Variants in ANKS1B observed in about 807,000 individuals in gnomAD.
The protein encoded by ANKS1B is ankyrin repeat and sterile alpha motif domain-containing protein 1B.
Under a neutral mutation model 148.3 loss-of-function variants are expected in ANKS1B, and 36 were observed. The ratio of observed to expected loss-of-function variants is 0.24; its 90% CI spans 0.19 to 0.32. The LOEUF (loss-of-function observed/expected upper bound fraction) is 0.32. ANKS1B is among the 10% of genes least tolerant of loss of function. ANKS1B has a pLI of 1.00. For missense variants in ANKS1B, 1,157 were observed against 1,542.6 expected, an observed-to-expected ratio of 0.75 and a Z score of 4.19; for synonymous variants, 542 against 560.8, an observed-to-expected ratio of 0.97 and a Z score of 0.47.
At chr12:99,020,964 T>A (rs1205173146) in intron 17 of ANKS1B, among the ~76,000 whole-genome samples, 2 of 152,116 alleles carry the variant, frequency 1.3e-5, no homozygotes, top group Non-Finnish European at 2.9e-5. Context: ...TACTTAACAG[T>A]GGCATGTTCA....
intron 17 of ANKS1B, among the ~76,000 whole-genome samples, chr12:99,043,084 A>AG (rs2099960135): frequency 2.0e-5 from 3 of 152,162 alleles, no homozygotes; most frequent in African/African-American, 2.4e-5. Flanking sequence ...AAATTTTTTG[A>AG]GGGTAAAGAC....
At chr12:99,980,470 C>A (rs1285111546) in intron 1 of ANKS1B, among the ~76,000 whole-genome samples, 1 of 151,828 alleles carries the variant, frequency 6.6e-6, no homozygotes, top group African/African-American at 2.4e-5. Context: ...TTTTTTCTTG[C>A]AAAAATAAGA....
rs566339425 is a variant in ANKS1B at position 98,902,987 on chromosome 12, A to G, written c.2779-70851T>C. On this transcript the variant is annotated intron_variant, in intron 17 of 26. Coordinates refer to ENST00000683438, the MANE Select transcript of ANKS1B (RefSeq NM_001352186.2). ...TAACTTTTTATATTGTAGACTCATA[A>G]AAATGATTTTATTTTTTTCTCTACA... Among the ~76,000 whole-genome samples the G allele has an allele frequency of 2.0e-5, 3 of 152,334 alleles. No homozygotes were observed. The South Asian group carries it at 6.2e-4, about 32-fold the overall frequency.
Position 98,799,031 on chromosome 12 carries a change from T to C in ANKS1B, c.3271-26A>G, listed in dbSNP as rs887628422. Reference sequence around the variant, plus strand: ...CTAAAATACAAAAAAAATTCAATGATTTATGAAATGGAATATACATATGAG... The same window carrying C: ...CTAAAATACAAAAAAAATTCAATGACTTATGAAATGGAATATACATATGAG... On this transcript the variant is annotated intron_variant, in intron 21 of 26. Coordinates refer to ENST00000683438, the MANE Select transcript of ANKS1B (RefSeq NM_001352186.2). 1.6e-5 allele frequency: 25 copies of C among 1,536,836 alleles called. No individual in the cohort carries two copies. The African/African-American group carries it at 2.5e-4, about 15-fold the overall frequency.
intron 10 of ANKS1B, 147 bp from the exon 11 acceptor site, chr12:99,443,956 A>C (rs2095592659): frequency 7.5e-6 from 7 of 937,570 alleles, no homozygotes; most frequent in Non-Finnish European, 4.7e-6. Flanking sequence ...GCTCAGTAGT[A>C]TATTTTAAAG....
At chr12:99,980,192 A>T (rs2095679797) in intron 1 of ANKS1B, among the ~76,000 whole-genome samples, 1 of 152,088 alleles carries the variant, frequency 6.6e-6, no homozygotes, top group African/African-American at 2.4e-5. Context: ...AATTGACTGT[A>T]TGTTCAACAT....
At chr12:98,794,392 C>CGAAAAA (rs2098927065) in intron 22 of ANKS1B, 1 of 81,758 alleles carries the variant, frequency 1.2e-5, no homozygotes, top group African/African-American at 7.0e-5. Context: ...AACTCTGTCT[C>CGAAAAA]AAAAAAAAAA....
intron 1 of ANKS1B, among the ~76,000 whole-genome samples, chr12:99,839,472 G>GA (rs901984886): frequency 4.0e-5 from 6 of 151,892 alleles, no homozygotes; most frequent in Non-Finnish European, 8.8e-5. Flanking sequence ...GAAGATTAAA[G>GA]AAAAAATATA....
Position 98,801,242 on chromosome 12 carries a change from T to TACA in ANKS1B, c.3142-118_3142-117insTGT. 1 of 929,166 alleles carries TACA rather than the reference T, an allele frequency of 1.1e-6. No homozygotes were observed. Among genetic ancestry groups the TACA allele is most frequent in the Non-Finnish European group, 1.6e-6 (1 of 638,092 alleles). The allele number at this position is 929,166 out of a possible 1,614,324, so 57.6% of individuals were successfully genotyped here. ...GTGAATGTACCAAAATGCATTTGGG[T>TACA]GTCTTATGTGAATATAAATACTTGG... On this transcript the variant is annotated intron_variant, in intron 20 of 26. Transcript: ENST00000683438. The surrounding 1 kb of genome is among the most constrained non-coding windows in gnomAD (Gnocchi z 5.2).
chr12:98,890,617 A>G (rs2099750599), intron 17 of ANKS1B, among the ~76,000 whole-genome samples: 1 of 152,228 alleles, frequency 6.6e-6, no homozygotes, highest in African/African-American at 2.4e-5. Context: ...AAAACATACC[A>G]CTTGTTGCAG....
chr12:99,554,112 C>A (rs1295319377), intron 9 of ANKS1B, among the ~76,000 whole-genome samples: 1 of 152,166 alleles, frequency 6.6e-6, no homozygotes, highest in African/African-American at 2.4e-5. Context: ...CAGAAGGGCT[C>A]ATCTAAGCAA....
At chr12:98,894,988 GGCA>G (rs1249281242) in intron 17 of ANKS1B, 416 of 766,562 alleles carry the variant, frequency 5.4e-4, no homozygotes, top group Non-Finnish European at 6.3e-4. Context: ...CTGCCCTGGC[GGCA>G]GCGGCGGCGG....
intron 9 of ANKS1B, among the ~76,000 whole-genome samples, chr12:99,644,925 A>G (rs1199607743): frequency 1.3e-5 from 2 of 151,930 alleles, no homozygotes; most frequent in East Asian, 3.9e-4. Flanking sequence ...CCATCATCAC[A>G]TATCTTCTGA....
In ANKS1B at chr12:98,745,809, G is replaced by T; in HGVS notation, c.3788C>A (p.Pro1263Gln). ...PSEQKTLANL[P>Q]WIVEPGQEAK... ...TTCTTGGCCCGGCTCCACAATCCAC[G>T]GTAGATTGGCCAGAGTCTTTTGCTC... The change falls in exon 27 of 27, where the codon CCG becomes CAG. Residue 1263 changes from proline (P) to glutamine (Q), a missense_variant. Transcript: ENST00000683438. The T allele has an allele frequency of 6.2e-7, 1 of 1,613,616 alleles. No individual in the cohort carries two copies. Among genetic ancestry groups the T allele is most frequent in the African/African-American group, 1.3e-5 (1 of 75,018 alleles).
chr12:98,745,374 A>AC lies in ANKS1B; in HGVS notation c.*364dup. 5.3e-6 allele frequency: 4 copies of AC among 748,610 alleles called. No homozygotes were observed. Among genetic ancestry groups the AC allele is most frequent in the Non-Finnish European group, 6.1e-6 (4 of 652,810 alleles). 46.4% of individuals were successfully genotyped at this position (748,610 alleles called of 1,614,324 possible). On this transcript the variant is annotated 3_prime_UTR_variant, in exon 27 of 27. Coordinates refer to ENST00000683438, the MANE Select transcript of ANKS1B (RefSeq NM_001352186.2). The stretch of plus-strand genomic sequence containing the variant: ...TTAGGCAGTATTAGAGATCCCCTTT[A>AC]CTTTTTTTTTTTTTTTTTTTTTTTT...
In ANKS1B at chr12:98,787,955, G is replaced by A. The variant is rs555505688; in HGVS notation, c.3343-5818C>T. On this transcript the variant is annotated intron_variant, in intron 22 of 26. Transcript: ENST00000683438. ...ACTCCATCTCCAAAAAAAAAAAAAA[G>A]GAAGCACAGTGCCAGCCTCTCAACA... Among the ~76,000 whole-genome samples, 71 of 136,778 alleles carry A rather than the reference G, an allele frequency of 5.2e-4. 1 individual carries two copies. The South Asian group carries it at 0.01, about 20-fold the overall frequency. The allele number at this position is 136,778 out of a possible 152,430, so 89.7% of individuals were successfully genotyped here.
intron 17 of ANKS1B, among the ~76,000 whole-genome samples, chr12:99,042,993 T>C (rs2099960058): frequency 6.6e-6 from 1 of 152,240 alleles, no homozygotes; most frequent in Non-Finnish European, 1.5e-5. Flanking sequence ...GGGATATAGA[T>C]ACCCACTTTC....
chr12:98,819,928 T>C (rs951082920), intron 19 of ANKS1B, among the ~76,000 whole-genome samples: 1 of 152,210 alleles, frequency 6.6e-6, no homozygotes, highest in South Asian at 2.1e-4. Context: ...ATGCTTTACA[T>C]GAAGCAATTG....
rs564668595 is a variant in ANKS1B at position 99,769,972 on chromosome 12, G to C, written c.1128+2950C>G. ...TCCCCTTTCACCAGGACACAGCTTA[G>C]TCTCTCCCTACCTCCACAAAGACTT... is the stretch of plus-strand genomic sequence containing the variant. On this transcript the variant is annotated intron_variant, in intron 8 of 26. Transcript: ENST00000683438. 1.3e-3 allele frequency among the ~76,000 whole-genome samples: 204 copies of C among 152,260 alleles called. 2 individuals are homozygous for C. Among genetic ancestry groups the C allele is most frequent in the African/African-American group, 4.8e-3 (199 of 41,554 alleles).
Sources: gnomAD v4.1 joint callset for allele counts (sites outside exome capture counted in the v4.1 genomes callset) on GRCh38, gnomAD v4.1.1 for gene constraint, Gnocchi (gnomAD v3.1) non-coding constraint, MANE v1.5 for transcripts, NCBI Gene and HGNC (gene_info 2026-07-23, HGNC 2026-07-21) for gene names.